CDK6: variants seen among roughly 807,000 people sequenced by gnomAD.
The protein encoded by CDK6 is cyclin dependent kinase 6.
A neutral mutation model predicts 37.1 loss-of-function variants in CDK6; 6 were observed. That is an observed-to-expected ratio of 0.16 (90% CI 0.09 to 0.32). The LOEUF (loss-of-function observed/expected upper bound fraction) is 0.32. Ranked by LOEUF, CDK6 falls within the 10% of genes least tolerant of loss-of-function variation. The pLI is 1.00. For missense variants in CDK6, 224 were observed against 418.9 expected (o/e 0.53, Z 4.06); for synonymous variants, 160 against 161.3 (o/e 0.99, Z 0.06).
chr7:92,626,440 G>C (rs1795929540), intron 5 of CDK6, among the ~76,000 whole-genome samples: 2 of 152,024 alleles, frequency 1.3e-5, no homozygotes, highest in African/African-American at 4.8e-5. Context: ...TAGAATGTTA[G>C]GAAGTGGTTT....
chr7:92,664,372 G>A (rs959214839), intron 5 of CDK6, among the ~76,000 whole-genome samples: 5 of 152,186 alleles, frequency 3.3e-5, no homozygotes, highest in African/African-American at 1.2e-4. Flanking sequence ...AGCTTGTGAA[G>A]GACCTCATTT....
rs1585333897 is a variant in CDK6, at chr7:92,611,450, C to G, written c.*3690G>C. On this transcript the variant is annotated 3_prime_UTR_variant, in exon 8 of 8. Coordinates refer to ENST00000424848, the MANE Select transcript of CDK6 (RefSeq NM_001145306.2). ...TATCATAAGAATAGTCAAATTGTCA[C>G]TTAAAAGAAAAGCAATATTTTAGAA... The G allele has an allele frequency of 4.4e-6, 1 of 226,990 alleles. No individual in the cohort carries two copies. Among genetic ancestry groups the G allele is most frequent in the South Asian group, 1.8e-4 (1 of 5,464 alleles). The allele number at this position is 226,990 out of a possible 1,614,324, so 14.1% of individuals were successfully genotyped here.
chr7:92,669,290 T>C (rs930565288), intron 5 of CDK6, among the ~76,000 whole-genome samples: 5 of 152,242 alleles, frequency 3.3e-5, no homozygotes, highest in Non-Finnish European at 5.9e-5. Context: ...CACTTATCAC[T>C]TCAGTGGAAA....
intron 1 of CDK6, among the ~76,000 whole-genome samples, chr7:92,836,004 T>C (rs564587261): frequency 2.6e-5 from 4 of 152,224 alleles, no homozygotes; most frequent in Admixed American, 2.6e-4. Context: ...CACCCACACC[T>C]CAGCGAGCTG....
intron 3 of CDK6, among the ~76,000 whole-genome samples, chr7:92,753,480 A>G (rs1799235302): frequency 6.6e-6 from 1 of 152,122 alleles, no homozygotes; most frequent in South Asian, 2.1e-4. Flanking sequence ...AAATTGCATA[A>G]GAAGATTATC....
At chr7:92,821,672 C>T (rs1322909396) in intron 2 of CDK6, among the ~76,000 whole-genome samples, 1 of 151,474 alleles carries the variant, frequency 6.6e-6, no homozygotes, top group Non-Finnish European at 1.5e-5. Context: ...TTCCTTCTTT[C>T]CCTTTCTTTT....
intron 4 of CDK6, among the ~76,000 whole-genome samples, chr7:92,688,298 T>C (rs1290541281): frequency 6.6e-6 from 1 of 152,194 alleles, no homozygotes; most frequent in Non-Finnish European, 1.5e-5. Flanking sequence ...TGGTACTTTC[T>C]ATACTTTTGA....
intron 2 of CDK6, among the ~76,000 whole-genome samples, chr7:92,798,247 A>G (rs1367613075): frequency 6.6e-6 from 1 of 152,240 alleles, no homozygotes; most frequent in Admixed American, 6.5e-5. Context: ...TAATACATTT[A>G]TCTTCTTCTA....
intron 5 of CDK6, among the ~76,000 whole-genome samples, chr7:92,651,197 T>G (rs1796566200): frequency 6.6e-6 from 1 of 152,156 alleles, no homozygotes; most frequent in Non-Finnish European, 1.5e-5. Context: ...GCTAGTTCTG[T>G]TTTTAAAGGA....
At chr7:92,623,586 T>G (rs1795852957) in intron 5 of CDK6, among the ~76,000 whole-genome samples, 2 of 152,150 alleles carry the variant, frequency 1.3e-5, no homozygotes, top group Admixed American at 1.3e-4. Context: ...ATTATACCAC[T>G]TTTCTTCCTC....
At chr7:92,810,904 A>G (rs977995897) in intron 2 of CDK6, among the ~76,000 whole-genome samples, 1 of 152,154 alleles carries the variant, frequency 6.6e-6, no homozygotes, top group Non-Finnish European at 1.5e-5. Context: ...AACCCCATCT[A>G]AAAATACAAC....
chr7:92,746,765 T>C (rs1253371871), intron 3 of CDK6, among the ~76,000 whole-genome samples: 8 of 152,332 alleles, frequency 5.3e-5, no homozygotes, highest in African/African-American at 1.7e-4. Flanking sequence ...ACTTTTTATT[T>C]TTTTTGCTTG....
At chr7:92,764,414 G>A (rs1438159066) in intron 3 of CDK6, among the ~76,000 whole-genome samples, 1 of 152,254 alleles carries the variant, frequency 6.6e-6, no homozygotes, top group East Asian at 1.9e-4. Context: ...TGGGATAACA[G>A]GTGTGCACCA....
chr7:92,693,460 T>G (rs1797640470), intron 4 of CDK6, among the ~76,000 whole-genome samples: 1 of 152,232 alleles, frequency 6.6e-6, no homozygotes, highest in Admixed American at 6.5e-5. Context: ...CTGGTAGGTT[T>G]ATTTTTCCAT....
chr7:92,707,990 G>A (rs951956251), intron 4 of CDK6, among the ~76,000 whole-genome samples: 2 of 152,020 alleles, frequency 1.3e-5, no homozygotes, highest in Non-Finnish European at 2.9e-5. Context: ...GACTCTTACT[G>A]GATTATATCC....
At chr7:92,638,640 C>T (rs1436546473) in intron 5 of CDK6, among the ~76,000 whole-genome samples, 2 of 152,226 alleles carry the variant, frequency 1.3e-5, no homozygotes, top group Non-Finnish European at 2.9e-5. Context: ...CACTAACTGA[C>T]TCAGAGTCTC....
At chr7:92,761,737 TC>T in intron 3 of CDK6, among the ~76,000 whole-genome samples, 1 of 152,228 alleles carries the variant, frequency 6.6e-6, no homozygotes, top group East Asian at 1.9e-4. Context: ...AAGTAAGAAG[TC>T]CAGTGAAACT....
chr7:92,819,133 A>G (rs1010561220), intron 2 of CDK6, among the ~76,000 whole-genome samples: 14 of 152,124 alleles, frequency 9.2e-5, no homozygotes, highest in African/African-American at 3.4e-4. Flanking sequence ...CAACAGCCTT[A>G]TTTATAACAG....
chr7:92,631,725 T>C (rs996909584), intron 5 of CDK6, among the ~76,000 whole-genome samples: 2 of 152,140 alleles, frequency 1.3e-5, no homozygotes, highest in African/African-American at 4.8e-5. Context: ...CCTACACATA[T>C]AGGATGACAA....
Sources: gnomAD v4.1 joint callset for allele counts (sites outside exome capture counted in the v4.1 genomes callset) on GRCh38, gnomAD v4.1.1 for gene constraint, MANE v1.5 for transcripts, NCBI Gene and HGNC (gene_info 2026-07-23, HGNC 2026-07-21) for gene names.